The following ARHGAP32 variants were observed in gnomAD, a reference collection of about 807,000 sequenced individuals.
ARHGAP32 encodes the protein Rho GTPase activating protein 32, also known as rho GTPase-activating protein 32.
In ARHGAP32, 51 loss-of-function variants were observed where a neutral mutation model predicts 186.5. The ratio of observed to expected loss-of-function variants is 0.27; its 90% CI spans 0.22 to 0.35. ARHGAP32 has a LOEUF of 0.35. Among genes scored for constraint, ARHGAP32 ranks in the 10% least tolerant of loss-of-function variants. The pLI is 1.00. For synonymous variants in ARHGAP32, 950 were observed against 964.3 expected (o/e 0.99, Z 0.27); for missense variants, 2,186 against 2,623.5 (o/e 0.83, Z 3.64).
At position 129,063,923 on chromosome 11, in the gene ARHGAP32, G is replaced by C. The variant is rs572001785; in HGVS notation, c.864C>G (p.Ala288=). Residue 288 remains alanine (A), a synonymous_variant, in exon 9 of 23, where the codon GCC becomes GCG. Transcript: ENST00000682385. ...TTACCTCTAAGGTCAGTTCGTCAGGGGCCCGAGCAGTGTACCTCTTGATAA... is the reference window on the plus strand; with the variant it reads ...TTACCTCTAAGGTCAGTTCGTCAGGCGCCCGAGCAGTGTACCTCTTGATAA... ...AHVIKRYTAR[A]PDELTLEVGD... is the part of the protein sequence containing the mutation. 4 of 1,610,820 alleles carry C rather than the reference G, an allele frequency of 2.5e-6. No homozygotes were observed. In the African/African-American group the frequency reaches 5.4e-5, roughly 22 times the overall value.
Position 128,969,264 on chromosome 11 carries a change from C to T in ARHGAP32, c.5949G>A (p.Glu1983=), listed in dbSNP as rs948549902. ...PEKHSRDCYK[E]EEHLTQSIVP... is the part of the protein sequence containing the mutation. Reference sequence around the variant, plus strand: ...CGATTGACTGAGTGAGGTGTTCTTCCTCCTTGTAGCAGTCTCTGGAGTGTT... The same window carrying T: ...CGATTGACTGAGTGAGGTGTTCTTCTTCCTTGTAGCAGTCTCTGGAGTGTT... Residue 1983 remains glutamate (E), a synonymous_variant, in exon 23 of 23, where the codon GAG becomes GAA. Coordinates refer to ENST00000682385, the MANE Select transcript of ARHGAP32 (RefSeq NM_001378024.1). The surrounding 1 kb of genome is among the most constrained non-coding windows in gnomAD (Gnocchi z 4.8). 2 of 1,614,142 alleles carry T rather than the reference C, an allele frequency of 1.2e-6. No homozygotes were observed.
At chr11:129,197,429 T>C (rs1944407206) in intron 1 of ARHGAP32, among the ~76,000 whole-genome samples, 1 of 152,198 alleles carries the variant, frequency 6.6e-6, no homozygotes, top group Non-Finnish European at 1.5e-5. Context: ...ATAATTGTTT[T>C]TTTCAAAACT....
intron 21 of ARHGAP32, 140 bp from the exon 22 acceptor site, chr11:128,973,572 C>T (rs1392816222): frequency 3.4e-6 from 3 of 879,958 alleles, no homozygotes; most frequent in East Asian, 5.1e-5. Context: ...ATCTTCTATC[C>T]CACATGCAAA....
upstream of ARHGAP32, among the ~76,000 whole-genome samples, chr11:129,279,597 C>T (rs1945586604): frequency 1.4e-5 from 2 of 146,410 alleles, no homozygotes; most frequent in African/African-American, 4.9e-5. Context: ...GCTCCGCCTC[C>T]TCCTGCACCC....
chr11:129,104,961 C>T (rs577203146), intron 5 of ARHGAP32, among the ~76,000 whole-genome samples: 3 of 152,266 alleles, frequency 2.0e-5, no homozygotes, highest in South Asian at 4.2e-4. Context: ...CAACCCTCAC[C>T]GGGCCTGAAA....
chr11:129,052,063 C>T (rs2135086096), intron 10 of ARHGAP32, among the ~76,000 whole-genome samples: 1 of 149,210 alleles, frequency 6.7e-6, no homozygotes, highest in African/African-American at 2.5e-5. Context: ...ACTTTATAAA[C>T]ATTTAGGTAT....
intron 6 of ARHGAP32, among the ~76,000 whole-genome samples, chr11:129,079,133 C>T (rs1040955655): frequency 2.6e-5 from 4 of 152,060 alleles, no homozygotes; most frequent in Non-Finnish European, 1.5e-5. Flanking sequence ...CTAAACGTAA[C>T]AATAATTAGT....
intron 10 of ARHGAP32, among the ~76,000 whole-genome samples, chr11:129,058,623 G>A (rs1940363505): frequency 6.6e-6 from 1 of 152,220 alleles, no homozygotes; most frequent in South Asian, 2.1e-4. Context: ...AGCCAGGTGG[G>A]CTGCATGGGG....
chr11:129,124,512 A>G (rs1052795195), intron 3 of ARHGAP32, among the ~76,000 whole-genome samples: 2 of 152,278 alleles, frequency 1.3e-5, no homozygotes, highest in African/African-American at 4.8e-5. Flanking sequence ...AATGAATGAG[A>G]GCATGCACTA....
At chr11:129,027,767 T>A (rs971371759) in intron 11 of ARHGAP32, among the ~76,000 whole-genome samples, 1 of 152,132 alleles carries the variant, frequency 6.6e-6, no homozygotes, top group African/African-American at 2.4e-5. Context: ...TTTCTCTTCA[T>A]TGCCCTTATC....
chr11:129,028,884 A>G (rs1036633451), intron 11 of ARHGAP32, among the ~76,000 whole-genome samples: 28 of 152,312 alleles, frequency 1.8e-4, no homozygotes, highest in African/African-American at 6.7e-4. Flanking sequence ...CAGCAGGAGC[A>G]AAGTGAAAGC....
intron 2 of ARHGAP32, among the ~76,000 whole-genome samples, chr11:129,153,674 G>C (rs1943339893): frequency 6.6e-6 from 1 of 152,112 alleles, no homozygotes; most frequent in Non-Finnish European, 1.5e-5. Flanking sequence ...GGGATAATTG[G>C]CAAGCCAAAT....
rs2135488084 is a variant in ARHGAP32, at chr11:129,164,357, G to A, written c.187C>T (p.Arg63Ter). Residue 63 changes from arginine (R) to a stop codon, truncating the protein, a stop_gained, in exon 2 of 23, where the codon CGA becomes TGA. Coordinates refer to ENST00000682385, the MANE Select transcript of ARHGAP32 (RefSeq NM_001378024.1). LOFTEE classifies it high-confidence loss of function. ...GTTTCTTCCCAATCAGGCCGCTCTC[G>A]AGGGTGTACATTTCTATGTAGCTCT... Reference protein sequence around the residue: ...VPELHRNVHPRERPDWEETLS... With the variant: ...VPELHRNVHP The A allele has an allele frequency of 2.5e-6, 4 of 1,583,230 alleles. No homozygotes were observed. The highest frequency in any genetic ancestry group is 3.4e-6 in the Non-Finnish European group (4 of 1,163,096).
At chr11:129,228,839 C>T (rs923926318) in intron 1 of ARHGAP32, among the ~76,000 whole-genome samples, 1 of 152,094 alleles carries the variant, frequency 6.6e-6, no homozygotes, top group Non-Finnish European at 1.5e-5. Context: ...GCATGTCCTG[C>T]ACATGTATCC....
At chr11:129,246,996 A>G (rs1945109149) in intron 1 of ARHGAP32, among the ~76,000 whole-genome samples, 1 of 35,566 alleles carries the variant, frequency 2.8e-5, no homozygotes, top group Non-Finnish European at 4.8e-5. Flanking sequence ...CATTTCCCAC[A>G]GAGTACCTCT....
chr11:129,209,590 C>T (rs1322010527), intron 1 of ARHGAP32, among the ~76,000 whole-genome samples: 8 of 151,402 alleles, frequency 5.3e-5, no homozygotes, highest in Admixed American at 2.6e-4. Context: ...AGACTGCAAA[C>T]GGAAAACACC....
upstream of ARHGAP32, among the ~76,000 whole-genome samples, chr11:129,193,528 T>C (rs1944311718): frequency 5.7e-5 from 4 of 70,372 alleles, no homozygotes; most frequent in South Asian, 1.1e-3. Context: ...CCCTAGAGCA[T>C]ATAATATATA....
intron 1 of ARHGAP32, among the ~76,000 whole-genome samples, chr11:129,173,823 C>A (rs1183915658): frequency 6.6e-6 from 1 of 152,148 alleles, no homozygotes; most frequent in Non-Finnish European, 1.5e-5. Context: ...TGATTTCCCA[C>A]TGAGATCATG....
At chr11:129,212,564 C>T (rs956400961) in intron 1 of ARHGAP32, among the ~76,000 whole-genome samples, 3 of 152,158 alleles carry the variant, frequency 2.0e-5, no homozygotes, top group African/African-American at 7.2e-5. Context: ...TTTACCTCAA[C>T]ATAATTTATG....
Sources: gnomAD v4.1 joint callset for allele counts (sites outside exome capture counted in the v4.1 genomes callset) on GRCh38, gnomAD v4.1.1 for gene constraint, Gnocchi (gnomAD v3.1) non-coding constraint, MANE v1.5 for transcripts, NCBI Gene and HGNC (gene_info 2026-07-23, HGNC 2026-07-21) for gene names.